Variants in MALRD1 observed in about 807,000 individuals in gnomAD.
MALRD1 encodes the protein MAM and LDL-receptor class A domain-containing protein 1.
In MALRD1, 247 loss-of-function variants were observed where a neutral mutation model predicts 242.1. The observed-to-expected ratio is 1.02, with a 90% CI of 0.92 to 1.13. The LOEUF (loss-of-function observed/expected upper bound fraction) is 1.13, where lower values mean the gene tolerates loss of function less well. MALRD1 is among the 50% of genes most tolerant of loss of function. The pLI is 0.00. For missense variants in MALRD1, 2,989 were observed against 2,533.1 expected, an observed-to-expected ratio of 1.18 and a Z score of -3.86; for synonymous variants, 995 against 866.6, an observed-to-expected ratio of 1.15 and a Z score of -2.60.
rs117012619 is a variant in MALRD1, at chr10:19,589,884, C to T, written c.5681-5310C>T. Reference sequence around the variant, plus strand: ...TTTCCTGATCTAAGTTTTATTTTTGCTCTGAGCGTGTTTGGCTCTTCTACA... The same window carrying T: ...TTTCCTGATCTAAGTTTTATTTTTGTTCTGAGCGTGTTTGGCTCTTCTACA... On this transcript the variant is annotated intron_variant, in intron 33 of 39. Coordinates refer to ENST00000454679, the MANE Select transcript of MALRD1 (RefSeq NM_001142308.3). 2.0e-5 allele frequency among the ~76,000 whole-genome samples: 3 copies of T among 152,032 alleles called. No homozygotes were observed. The East Asian group carries it at 5.8e-4, about 29-fold the overall frequency.
At chr10:19,196,536 G>T (rs1278644014) in intron 14 of MALRD1, among the ~76,000 whole-genome samples, 77 of 139,372 alleles carry the variant, frequency 5.5e-4, no homozygotes, top group Non-Finnish European at 6.9e-4. Context: ...ACCACTCTTT[G>T]TTTTTTTTTT....
intron 1 of MALRD1, among the ~76,000 whole-genome samples, chr10:19,056,270 T>C (rs1417886218): frequency 6.6e-6 from 1 of 152,110 alleles, no homozygotes; most frequent in African/African-American, 2.4e-5. Context: ...AATCTGTAGA[T>C]CGCTTTGAGT....
intron 21 of MALRD1, among the ~76,000 whole-genome samples, chr10:19,284,398 C>T (rs1371163175): frequency 2.1e-4 from 25 of 116,752 alleles, no homozygotes; most frequent in Non-Finnish European, 3.4e-4. Context: ...CTATCCCTCC[C>T]CCCTCCCCCC....
intron 28 of MALRD1, 56 bp downstream of exon 28, chr10:19,389,665 G>T: frequency 6.7e-7 from 1 of 1,495,802 alleles, no homozygotes; most frequent in Non-Finnish European, 9.0e-7. Context: ...TTAGAGACAG[G>T]GTCTTGCTCT....
At chr10:19,730,895 A>T in intron 39 of MALRD1, 114 bp downstream of exon 39, 2 of 986,614 alleles carry the variant, frequency 2.0e-6, no homozygotes, top group South Asian at 3.1e-5. Flanking sequence ...TCATAACTAA[A>T]AGAAATGTTT....
intron 38 of MALRD1, among the ~76,000 whole-genome samples, chr10:19,694,483 C>T (rs1833271775): frequency 1.3e-5 from 2 of 152,194 alleles, no homozygotes; most frequent in Non-Finnish European, 1.5e-5. Context: ...TGCTCATCAT[C>T]ACTGGCCATC....
At chr10:19,502,834 G>A (rs1451208321) in intron 31 of MALRD1, among the ~76,000 whole-genome samples, 1 of 152,088 alleles carries the variant, frequency 6.6e-6, no homozygotes, top group African/African-American at 2.4e-5. Flanking sequence ...CAAGATTAAA[G>A]TATAGTCAAT....
At chr10:19,713,921 G>T (rs1019794428) in intron 38 of MALRD1, among the ~76,000 whole-genome samples, 1 of 152,186 alleles carries the variant, frequency 6.6e-6, no homozygotes, top group Non-Finnish European at 1.5e-5. Flanking sequence ...GCATGCAATG[G>T]GTGTGTGGGG....
intron 38 of MALRD1, among the ~76,000 whole-genome samples, chr10:19,727,120 A>T (rs773390274): frequency 6.6e-6 from 1 of 152,230 alleles, no homozygotes. Context: ...TTTAAAAATT[A>T]AAAATTAATA....
At chr10:19,708,025 A>G (rs1222675703) in intron 38 of MALRD1, among the ~76,000 whole-genome samples, 1 of 118,886 alleles carries the variant, frequency 8.4e-6, no homozygotes, top group Non-Finnish European at 1.9e-5. Flanking sequence ...AAATTTTTAT[A>G]TTTTCTCATT....
intron 26 of MALRD1, among the ~76,000 whole-genome samples, chr10:19,386,062 A>G (rs1211616898): frequency 6.6e-6 from 1 of 152,150 alleles, no homozygotes; most frequent in African/African-American, 2.4e-5. Context: ...ACAGCATAAC[A>G]CTCAAAATTG....
At chr10:19,205,571 G>A (rs72786548) in intron 17 of MALRD1, among the ~76,000 whole-genome samples, 24,103 of 151,876 alleles carry the variant, frequency 0.16, 1,932 homozygotes, top group Middle Eastern at 0.21. Context: ...TGAAATGGTA[G>A]CTTTGATAGG....
intron 36 of MALRD1, among the ~76,000 whole-genome samples, chr10:19,624,937 C>T (rs1415853717): frequency 6.6e-6 from 1 of 150,424 alleles, no homozygotes; most frequent in East Asian, 2.0e-4. Context: ...CACAGTGGCT[C>T]ACACCTGTAA....
intron 21 of MALRD1, among the ~76,000 whole-genome samples, chr10:19,293,924 T>C (rs2131932128): frequency 6.6e-6 from 1 of 152,256 alleles, no homozygotes; most frequent in Non-Finnish European, 1.5e-5. Context: ...AAAAACGAAA[T>C]GCAGTCGCTT....
intron 36 of MALRD1, among the ~76,000 whole-genome samples, chr10:19,621,248 GTTAAA>G (rs770561565): frequency 1.4e-5 from 2 of 146,128 alleles, no homozygotes; most frequent in African/African-American, 5.0e-5. Flanking sequence ...CCAATTCCAA[GTTAAA>G]TTAAATATTA....
At chr10:19,504,834 C>G (rs1379104079) in intron 31 of MALRD1, among the ~76,000 whole-genome samples, 1 of 151,020 alleles carries the variant, frequency 6.6e-6, no homozygotes, top group Non-Finnish European at 1.5e-5. Flanking sequence ...AGGCGCCCGC[C>G]ACCGCGCCCG....
At chr10:19,492,544 G>A (rs1238811914) in intron 30 of MALRD1, among the ~76,000 whole-genome samples, 1 of 152,112 alleles carries the variant, frequency 6.6e-6, no homozygotes, top group African/African-American at 2.4e-5. Flanking sequence ...TACTAGAGAT[G>A]GTGTCTCATC....
At chr10:19,209,715 A>G (rs1376867580) in intron 18 of MALRD1, 35 bp downstream of exon 18, 2 of 1,468,424 alleles carry the variant, frequency 1.4e-6, no homozygotes, top group African/African-American at 1.4e-5. Context: ...TACATTTGAA[A>G]TGCATCTGAA....
chr10:19,262,047 C>T lies in MALRD1; in HGVS notation c.3079+4276C>T, dbSNP rs572122772. On this transcript the variant is annotated intron_variant, in intron 19 of 39. Coordinates refer to ENST00000454679, the MANE Select transcript of MALRD1 (RefSeq NM_001142308.3). ...ATGCCCTTAAATTAGTTTATTTTTA[C>T]TTTGTCTTAAAATGTCATCATTTGC... Among the ~76,000 whole-genome samples the T allele has an allele frequency of 4.6e-5, 7 of 152,132 alleles. No homozygotes were observed. In the East Asian group the frequency reaches 1.2e-3, roughly 25 times the overall value.
Sources: allele counts gnomAD v4.1 joint callset (sites outside exome capture counted in the v4.1 genomes callset), GRCh38; gene constraint gnomAD v4.1.1; transcripts MANE v1.5; gene names NCBI Gene and HGNC (gene_info 2026-07-23, HGNC 2026-07-21).